CD44: variants seen among roughly 807,000 people sequenced by gnomAD.
The protein encoded by CD44 is CD44 antigen.
A neutral mutation model predicts 88.8 loss-of-function variants in CD44; 49 were observed. That is an observed-to-expected ratio of 0.55 (90% CI 0.44 to 0.70). The LOEUF (loss-of-function observed/expected upper bound fraction) is 0.70. Ranked by LOEUF, CD44 falls within the 30% of genes least tolerant of loss-of-function variation. The pLI, the probability that CD44 is intolerant of heterozygous loss-of-function variation, is 0.00. For missense variants in CD44, 883 were observed against 913.8 expected, an observed-to-expected ratio of 0.97 and a Z score of 0.43; for synonymous variants, 325 against 312.3, an observed-to-expected ratio of 1.04 and a Z score of -0.43.
chr11:35,167,454 C>T (rs1490061141), intron 1 of CD44, among the ~76,000 whole-genome samples: 1 of 152,114 alleles, frequency 6.6e-6, no homozygotes, highest in Non-Finnish European at 1.5e-5. Context: ...ACAACAAAAC[C>T]TTGTCCTTTT....
At position 35,139,187 on chromosome 11, in the gene CD44, C is replaced by A; in HGVS notation, c.-117C>A. ...CGAGGCAGCCTCATTGCCCAGCGGA[C>A]CCCAGCCTCTGCCAGGTTCGGTCCG... On this transcript the variant is annotated 5_prime_UTR_variant, in exon 1 of 18. Transcript: ENST00000428726. 2 of 765,546 alleles carry A rather than the reference C, an allele frequency of 2.6e-6. No individual in the cohort carries two copies. Among genetic ancestry groups the A allele is most frequent in the Non-Finnish European group, 4.5e-6 (2 of 443,744 alleles). The allele number at this position is 765,546 out of a possible 1,614,324, so 47.4% of individuals were successfully genotyped here. A position where few individuals can be genotyped will look rare whatever the true frequency, so the allele number is the denominator to read the frequency against.
intron 3 of CD44, among the ~76,000 whole-genome samples, chr11:35,184,368 T>C (rs935348923): frequency 2.6e-5 from 4 of 152,196 alleles, no homozygotes; most frequent in African/African-American, 9.7e-5. Flanking sequence ...AAATTCCCAG[T>C]GTACTGTTAC....
intron 2 of CD44, 77 bp from the exon 3 acceptor site, chr11:35,180,197 A>T: frequency 6.9e-7 from 1 of 1,439,244 alleles, no homozygotes; most frequent in Non-Finnish European, 9.7e-7. Context: ...GCACGGCATT[A>T]AATGTCATTG....
chr11:35,202,573 C>A (rs1270709377), intron 9 of CD44, among the ~76,000 whole-genome samples: 1 of 152,072 alleles, frequency 6.6e-6, no homozygotes, highest in Non-Finnish European at 1.5e-5. Flanking sequence ...AAAATGATGA[C>A]CCAACTGTCA....
intron 4 of CD44, among the ~76,000 whole-genome samples, chr11:35,188,511 T>C (rs1463774599): frequency 2.0e-5 from 3 of 152,256 alleles, no homozygotes; most frequent in African/African-American, 7.2e-5. Context: ...GTTTCTTTGA[T>C]GCCCACAGTT....
intron 6 of CD44, 146 bp downstream of exon 6, chr11:35,197,020 T>A (rs1163846186): frequency 4.1e-6 from 3 of 728,762 alleles, no homozygotes; most frequent in Non-Finnish European, 4.5e-6. Context: ...TTAACTCTGG[T>A]ATCTGTTTGT....
intron 1 of CD44, among the ~76,000 whole-genome samples, chr11:35,171,108 A>G (rs61049813): frequency 0.097 from 14,847 of 152,284 alleles, 849 homozygotes; most frequent in African/African-American, 0.14. Context: ...AATATTAGCC[A>G]CTGCTCTTGC....
chr11:35,139,284 C>G lies in CD44; in HGVS notation c.-20C>G, dbSNP rs771757278. 2 of 1,554,152 alleles carry G rather than the reference C, an allele frequency of 1.3e-6. No individual in the cohort carries two copies. Among genetic ancestry groups the G allele is most frequent in the African/African-American group, 1.4e-5 (1 of 73,448 alleles). ...TCCTCCAGCTCCTTTCGCCCGCGCC[C>G]TCCGTTCGCTCCGGACACCATGGAC... is the stretch of plus-strand genomic sequence containing the variant. On this transcript the variant is annotated 5_prime_UTR_variant, in exon 1 of 18. Transcript: ENST00000428726.
intron 5 of CD44, among the ~76,000 whole-genome samples, chr11:35,192,590 G>A (rs905056103): frequency 6.6e-6 from 1 of 152,062 alleles, no homozygotes; most frequent in Non-Finnish European, 1.5e-5. Flanking sequence ...TGTAGTGGGT[G>A]GCAATAGGGA....
chr11:35,144,209 G>A (rs181392192), intron 1 of CD44, among the ~76,000 whole-genome samples: 1 of 152,334 alleles, frequency 6.6e-6, no homozygotes, highest in Non-Finnish European at 1.5e-5. Flanking sequence ...TCCTGGCTGG[G>A]GCTGGGGCTG....
chr11:35,158,016 G>A (rs1355235346), intron 1 of CD44, among the ~76,000 whole-genome samples: 1 of 152,152 alleles, frequency 6.6e-6, no homozygotes, highest in African/African-American at 2.4e-5. Flanking sequence ...TATAGGAAAG[G>A]AGCCCGATTA....
intron 3 of CD44, among the ~76,000 whole-genome samples, chr11:35,181,235 A>G (rs1306377718): frequency 6.6e-6 from 1 of 152,156 alleles, no homozygotes; most frequent in Non-Finnish European, 1.5e-5. Context: ...CCCTTACCCA[A>G]CAGTTGAAAG....
intron 1 of CD44, among the ~76,000 whole-genome samples, chr11:35,150,975 G>A (rs557624368): frequency 6.6e-6 from 1 of 152,242 alleles, no homozygotes; most frequent in East Asian, 1.9e-4. Context: ...ACCATTTGGT[G>A]GAAATAAAGT....
chr11:35,210,121 C>A, intron 13 of CD44, 67 bp downstream of exon 13: 1 of 896,468 alleles, frequency 1.1e-6, no homozygotes, highest in Non-Finnish European at 1.7e-6. Flanking sequence ...GGTACTTTTG[C>A]AGTGTCTTTG....
chr11:35,223,161 A>G (rs1008135079), intron 17 of CD44: 16 of 985,314 alleles, frequency 1.6e-5, no homozygotes, highest in Non-Finnish European at 1.8e-5. Flanking sequence ...AAACTGAGAG[A>G]AAAAATCTAA....
intron 1 of CD44, among the ~76,000 whole-genome samples, chr11:35,163,232 AG>A (rs1185416282): frequency 1.3e-5 from 2 of 151,444 alleles, no homozygotes; most frequent in Non-Finnish European, 2.9e-5. Context: ...CCAAGTGCCA[AG>A]GGTTATGAAT....
intron 15 of CD44, among the ~76,000 whole-genome samples, chr11:35,215,775 G>A (rs1428310895): frequency 1.3e-5 from 2 of 151,918 alleles, no homozygotes; most frequent in African/African-American, 4.8e-5. Context: ...AGGAGGCTGA[G>A]GCAGGAGAAT....
chr11:35,203,629 G>C (rs1052285474), intron 9 of CD44, among the ~76,000 whole-genome samples: 6 of 151,628 alleles, frequency 4.0e-5, no homozygotes, highest in African/African-American at 1.5e-4. Flanking sequence ...TCTAAGATAA[G>C]GAAATACAAC....
At chr11:35,210,673 C>T (rs73436972) in intron 13 of CD44, 5,133 of 153,086 alleles carry the variant, frequency 0.034, 303 homozygotes, top group African/African-American at 0.12. Context: ...TTATAATTGG[C>T]GTAAATGTCT....
Sources: allele counts gnomAD v4.1 joint callset (sites outside exome capture counted in the v4.1 genomes callset), GRCh38; gene constraint gnomAD v4.1.1; transcripts MANE v1.5; gene names NCBI Gene and HGNC (gene_info 2026-07-23, HGNC 2026-07-21).